The following OCA2 variants were observed in gnomAD, a reference collection of about 807,000 sequenced individuals.
OCA2 encodes the protein OCA2 melanosomal transmembrane protein.
Under a neutral mutation model 100.2 loss-of-function variants are expected in OCA2, and 77 were observed. That is an observed-to-expected ratio of 0.77 (90% CI 0.64 to 0.93). OCA2 has a LOEUF of 0.93. Ranked by LOEUF, OCA2 falls within the 40% of genes least tolerant of loss-of-function variation. The pLI, the probability that OCA2 is intolerant of heterozygous loss-of-function variation, is 0.00. For synonymous variants in OCA2, 432 were observed against 439.2 expected (o/e 0.98, Z 0.21); for missense variants, 1,062 against 1,089.1 (o/e 0.98, Z 0.35).
At chr15:28,067,789 A>G (rs944662732) in intron 2 of OCA2, among the ~76,000 whole-genome samples, 4 of 152,234 alleles carry the variant, frequency 2.6e-5, no homozygotes, top group Admixed American at 6.5e-5. Flanking sequence ...TTCCATATGC[A>G]GATGGGAAGA....
chr15:27,871,718 T>C, intron 20 of OCA2, 145 bp downstream of exon 20: 4 of 688,028 alleles, frequency 5.8e-6, no homozygotes, highest in Non-Finnish European at 1.0e-5. Context: ...ATCTCTGGGC[T>C]GCACAGGATA....
At position 27,871,186 on chromosome 15, in the gene OCA2, G is replaced by C. The variant is rs1250026416; in HGVS notation, c.2212C>G (p.Leu738Val). The change falls in exon 21 of 24, where the codon CTG becomes GTG. Residue 738 changes from leucine (L) to valine (V), a missense_variant. Physicochemically the swap from Leu to Val is conservative, Grantham distance 32. Transcript: ENST00000354638. Reference protein sequence around the residue: ...VVWVSALASSLIDNIPFTATM... With the variant: ...VVWVSALASSVIDNIPFTATM... ...GCAGTGAACGGGATGTTGTCAATCA[G>C]GGACGACGCCAGGGCTGAGACCCAC... 6.8e-6 allele frequency: 11 copies of C among 1,614,096 alleles called. No individual in the cohort carries two copies. Among genetic ancestry groups the C allele is most frequent in the Non-Finnish European group, 7.6e-6 (9 of 1,179,976 alleles).
intron 23 of OCA2, among the ~76,000 whole-genome samples, chr15:27,770,996 C>G (rs949389177): frequency 1.3e-5 from 1 of 74,872 alleles, no homozygotes; most frequent in African/African-American, 6.8e-5. Flanking sequence ...TCTTCCTTCC[C>G]TTCCTTCCTT....
At chr15:28,034,294 G>A (rs965656345) in intron 2 of OCA2, among the ~76,000 whole-genome samples, 1 of 151,808 alleles carries the variant, frequency 6.6e-6, no homozygotes, top group African/African-American at 2.4e-5. Flanking sequence ...TTTAAAAAAA[G>A]AAACAAAAAT....
intron 12 of OCA2, 100 bp downstream of exon 12, chr15:27,986,487 A>T: frequency 1.2e-6 from 1 of 868,288 alleles, no homozygotes; most frequent in Non-Finnish European, 1.9e-6. Context: ...GGAATTTTTC[A>T]ATGTTTGTTT....
At chr15:27,953,981 C>T (rs998582475) in intron 17 of OCA2, among the ~76,000 whole-genome samples, 2 of 152,090 alleles carry the variant, frequency 1.3e-5, no homozygotes, top group Non-Finnish European at 2.9e-5. Flanking sequence ...CATAGGTTGG[C>T]TCCCACTTAT....
At chr15:27,882,905 T>C (rs1595570589) in intron 19 of OCA2, among the ~76,000 whole-genome samples, 1 of 152,196 alleles carries the variant, frequency 6.6e-6, no homozygotes, top group Non-Finnish European at 1.5e-5. Context: ...GTCTAGCACA[T>C]ACACCATTCA....
chr15:28,092,431 C>T (rs1371586981), intron 1 of OCA2, among the ~76,000 whole-genome samples: 2 of 152,214 alleles, frequency 1.3e-5, no homozygotes, highest in Non-Finnish European at 2.9e-5. Flanking sequence ...TCACGCCTCA[C>T]TGCAGTCTTG....
chr15:27,887,238 G>C (rs1222677134), intron 19 of OCA2, among the ~76,000 whole-genome samples: 1 of 152,102 alleles, frequency 6.6e-6, no homozygotes, highest in Non-Finnish European at 1.5e-5. Context: ...TTTATTAGCA[G>C]CATGAAAATG....
chr15:28,012,812 T>G (rs1375908164), intron 9 of OCA2, among the ~76,000 whole-genome samples: 1 of 152,228 alleles, frequency 6.6e-6, no homozygotes, highest in Non-Finnish European at 1.5e-5. Flanking sequence ...ATTTTTTAAT[T>G]AATGACTGTA....
intron 2 of OCA2, among the ~76,000 whole-genome samples, chr15:28,079,839 G>GC (rs534896578): frequency 3.4e-4 from 51 of 152,136 alleles, no homozygotes; most frequent in Non-Finnish European, 6.2e-4. Flanking sequence ...GCCAGCTCCT[G>GC]CCCCCATGTG....
At chr15:27,988,952 C>T (rs995413108) in intron 11 of OCA2, among the ~76,000 whole-genome samples, 1 of 152,172 alleles carries the variant, frequency 6.6e-6, no homozygotes, top group Admixed American at 6.5e-5. Context: ...GAGGATCTAT[C>T]GTGCCCAGCT....
intron 19 of OCA2, among the ~76,000 whole-genome samples, chr15:27,874,895 T>C (rs1200205328): frequency 6.6e-6 from 1 of 152,096 alleles, no homozygotes; most frequent in African/African-American, 2.4e-5. Context: ...TAATTTTGAA[T>C]AAATAAAATG....
intron 19 of OCA2, among the ~76,000 whole-genome samples, chr15:27,910,000 AC>A (rs1384740579): frequency 3.9e-5 from 6 of 152,142 alleles, no homozygotes; most frequent in Admixed American, 3.9e-4. Flanking sequence ...TAAATAAAGA[AC>A]CCTTGAACAG....
At chr15:27,824,531 T>C (rs952569539) in intron 23 of OCA2, among the ~76,000 whole-genome samples, 2 of 148,904 alleles carry the variant, frequency 1.3e-5, no homozygotes, top group Non-Finnish European at 3.0e-5. Context: ...CAGGCACTTA[T>C]GTGAAATTAA....
chr15:27,885,818 T>C (rs957981134), intron 19 of OCA2, among the ~76,000 whole-genome samples: 1 of 152,196 alleles, frequency 6.6e-6, no homozygotes, highest in Admixed American at 6.5e-5. Flanking sequence ...GTGACCAAGA[T>C]AGACACACAT....
intron 23 of OCA2, among the ~76,000 whole-genome samples, chr15:27,764,110 G>C (rs1033127558): frequency 2.0e-5 from 3 of 151,760 alleles, no homozygotes; most frequent in Admixed American, 6.6e-5. Flanking sequence ...ACAGGGGAGA[G>C]AGACAGAAGG....
intron 13 of OCA2, 119 bp from the exon 14 acceptor site, chr15:27,983,602 C>CACACA: frequency 1.9e-6 from 2 of 1,067,390 alleles, no homozygotes; most frequent in Non-Finnish European, 2.9e-6. Context: ...CACACACACA[C>CACACA]CCCTGTGGGG....
intron 19 of OCA2, among the ~76,000 whole-genome samples, chr15:27,915,953 C>T (rs2038649111): frequency 6.6e-6 from 1 of 152,096 alleles, no homozygotes; most frequent in Non-Finnish European, 1.5e-5. Context: ...TCTAAATGCC[C>T]ATCAACAGTG....
Sources: gnomAD v4.1 joint callset for allele counts (sites outside exome capture counted in the v4.1 genomes callset) on GRCh38, gnomAD v4.1.1 for gene constraint, MANE v1.5 for transcripts, NCBI Gene and HGNC (gene_info 2026-07-23, HGNC 2026-07-21) for gene names.